The following OTUD7B variants were observed in gnomAD, a reference collection of about 807,000 sequenced individuals.
OTUD7B encodes OTU domain-containing protein 7B.
Under a neutral mutation model 82.2 loss-of-function variants are expected in OTUD7B, and 34 were observed. That is an observed-to-expected ratio of 0.41 (90% CI 0.31 to 0.55). OTUD7B has a LOEUF of 0.55. Among genes scored for constraint, OTUD7B ranks in the 20% least tolerant of loss-of-function variants. The probability of loss-of-function intolerance (pLI) is 0.20; values close to 1 mark genes in which losing one functional copy is unlikely to be tolerated. For synonymous variants in OTUD7B, 398 were observed against 402.7 expected (o/e 0.99, Z 0.14); for missense variants, 944 against 1,062.1 (o/e 0.89, Z 1.55).
In OTUD7B at chr1:149,977,513, G is replaced by T; in HGVS notation, c.-3C>A. On this transcript the variant is annotated 5_prime_UTR_variant, in exon 2 of 12. Coordinates refer to ENST00000581312, the MANE Select transcript of OTUD7B (RefSeq NM_020205.4). ...ACAGCATCCATGTCCAGGGTCATGT[G>T]ATCCTCAAGTACTTTCAGCCAGCTG... is the stretch of plus-strand genomic sequence containing the variant. 6.2e-7 allele frequency: 1 copy of T among 1,612,994 alleles called. No individual in the cohort carries two copies. Among genetic ancestry groups the T allele is most frequent in the Non-Finnish European group, 8.5e-7 (1 of 1,178,970 alleles).
the OTUD7B span, among the ~76,000 whole-genome samples, chr1:150,039,568 G>A: frequency 6.6e-6 from 1 of 152,076 alleles, no homozygotes; most frequent in Admixed American, 6.6e-5. Context: ...AATAGAGACA[G>A]AGTTTCACCG....
the OTUD7B span, among the ~76,000 whole-genome samples, chr1:150,022,799 G>T: frequency 3.3e-5 from 5 of 152,016 alleles, no homozygotes; most frequent in Non-Finnish European, 7.4e-5. Flanking sequence ...ATATCCAATG[G>T]TATGTATTTT....
At chr1:150,017,337 A>T in the OTUD7B span, among the ~76,000 whole-genome samples, 5 of 152,278 alleles carry the variant, frequency 3.3e-5, no homozygotes, top group Admixed American at 3.3e-4. Context: ...TTAAGAGATT[A>T]AAAAAGGGCC....
intron 1 of OTUD7B, among the ~76,000 whole-genome samples, chr1:149,984,008 C>T (rs1255694288): frequency 6.6e-6 from 1 of 152,168 alleles, no homozygotes; most frequent in Non-Finnish European, 1.5e-5. Flanking sequence ...TTTCATCTGT[C>T]CAACTTGGAT....
In OTUD7B at chr1:149,992,467, G is replaced by GTT. The variant is rs1166098299; in HGVS notation, c.-66-14893_-66-14892dup. 4.5e-4 allele frequency among the ~76,000 whole-genome samples: 28 copies of GTT among 61,570 alleles called. 9 individuals are homozygous for GTT. The highest frequency in any genetic ancestry group is 1.7e-3 in the African/African-American group (25 of 14,926). 40.4% of individuals were successfully genotyped at this position (61,570 alleles called of 152,430 possible). On this transcript the variant is annotated intron_variant, in intron 1 of 11. Coordinates refer to ENST00000581312, the MANE Select transcript of OTUD7B (RefSeq NM_020205.4). ...TATCTAAATTGTTTTGTGTGCATGT[G>GTT]TTTTTTTTTTTTTTTTTTTTTTTTT...
the OTUD7B span, among the ~76,000 whole-genome samples, chr1:150,031,042 T>C: frequency 2.6e-5 from 4 of 152,152 alleles, no homozygotes; most frequent in South Asian, 8.3e-4. Flanking sequence ...CTCAAAGTAT[T>C]GGGATTACAG....
Position 150,009,577 on chromosome 1 carries a change from G to T in OTUD7B, c.-67+871C>A, listed in dbSNP as rs587660995. Among the ~76,000 whole-genome samples the T allele has an allele frequency of 1.7e-4, 26 of 152,238 alleles. 1 individual carries two copies. The South Asian group carries it at 5.0e-3, about 29-fold the overall frequency. On this transcript the variant is annotated intron_variant, in intron 1 of 11. Transcript: ENST00000581312. ...GAAAAGCTGCCTGAAAAGTTTGTGG[G>T]GAACTTCTTCCATAAAATTCCACCA...
chr1:149,965,711 A>T, intron 5 of OTUD7B, 66 bp downstream of exon 5: 2 of 1,141,906 alleles, frequency 1.8e-6, no homozygotes, highest in Non-Finnish European at 2.6e-6. Context: ...ATCAAGTCCT[A>T]CACATGAGAT....
intron 1 of OTUD7B, among the ~76,000 whole-genome samples, chr1:149,984,039 CCTGCTAA>C (rs1233091284): frequency 6.6e-6 from 1 of 152,160 alleles, no homozygotes; most frequent in Non-Finnish European, 1.5e-5. Context: ...TTCTAACTTC[CCTGCTAA>C]CCTTGCAGAG....
chr1:149,950,975 GTATTTT>G (rs1648181801), intron 7 of OTUD7B, among the ~76,000 whole-genome samples: 1 of 12,250 alleles, frequency 8.2e-5, no homozygotes, highest in East Asian at 1.6e-3. Flanking sequence ...TGTACTTTTT[GTATTTT>G]TTTTTTTTTT....
chr1:149,959,139 T>C (rs1648948762), intron 7 of OTUD7B, among the ~76,000 whole-genome samples: 1 of 151,564 alleles, frequency 6.6e-6, no homozygotes. Context: ...GAGAATCACT[T>C]GAACCCTGAA....
the OTUD7B span, among the ~76,000 whole-genome samples, chr1:150,025,571 C>T: frequency 1.3e-5 from 2 of 152,144 alleles, no homozygotes; most frequent in Non-Finnish European, 1.5e-5. Flanking sequence ...ATTATTCTCT[C>T]CCACTACAGA....
intron 10 of OTUD7B, 62 bp from the exon 11 acceptor site, chr1:149,947,397 T>C (rs1647838250): frequency 2.9e-6 from 3 of 1,030,862 alleles, no homozygotes; most frequent in South Asian, 2.6e-5. Context: ...TTTGATATAG[T>C]TGGGAGAAAG....
intron 2 of OTUD7B, among the ~76,000 whole-genome samples, chr1:149,976,713 A>C (rs587653526): frequency 1.1e-4 from 16 of 152,264 alleles, no homozygotes; most frequent in African/African-American, 3.4e-4. Context: ...GATTCACTCA[A>C]CATAGAATTA....
intron 1 of OTUD7B, among the ~76,000 whole-genome samples, chr1:150,009,346 T>C (rs1373946679): frequency 6.6e-6 from 1 of 152,178 alleles, no homozygotes; most frequent in African/African-American, 2.4e-5. Flanking sequence ...CCTCTTTCTC[T>C]ACTCTGTCCT....
At chr1:150,059,296 A>ACC in the OTUD7B span, among the ~76,000 whole-genome samples, 17 of 6,806 alleles carry the variant, frequency 2.5e-3, no homozygotes, top group South Asian at 0.017. Context: ...CTCGTGATCC[A>ACC]CCCCCCCCCC....
the OTUD7B span, among the ~76,000 whole-genome samples, chr1:150,023,575 A>G: frequency 6.6e-6 from 1 of 152,212 alleles, no homozygotes; most frequent in Non-Finnish European, 1.5e-5. Flanking sequence ...TGTGGAATCT[A>G]AAAAAGTTGA....
the OTUD7B span, among the ~76,000 whole-genome samples, chr1:150,037,028 T>C: frequency 6.6e-6 from 1 of 152,188 alleles, no homozygotes; most frequent in African/African-American, 2.4e-5. Context: ...AGACAAAAAC[T>C]ACAACTGTTA....
At chr1:149,995,918 G>A (rs1285032832) in intron 1 of OTUD7B, among the ~76,000 whole-genome samples, 1 of 152,138 alleles carries the variant, frequency 6.6e-6, no homozygotes, top group Admixed American at 6.6e-5. Context: ...TTGGATCTTG[G>A]TATTGTTTCC....
Sources: allele counts gnomAD v4.1 joint callset (sites outside exome capture counted in the v4.1 genomes callset), GRCh38; gene constraint gnomAD v4.1.1; transcripts MANE v1.5; gene names NCBI Gene and HGNC (gene_info 2026-07-23, HGNC 2026-07-21).